The following BTBD2 variants were observed in gnomAD, a reference collection of about 807,000 sequenced individuals.
The protein encoded by BTBD2 is BTB/POZ domain-containing protein 2.
A neutral mutation model predicts 44.0 loss-of-function variants in BTBD2; 15 were observed. That is an observed-to-expected ratio of 0.34 (90% CI 0.23 to 0.53). The LOEUF (loss-of-function observed/expected upper bound fraction) is 0.53, where lower values mean the gene tolerates loss of function less well. Ranked by LOEUF, BTBD2 falls within the 20% of genes least tolerant of loss-of-function variation. BTBD2 has a pLI of 0.95. For missense variants in BTBD2, 657 were observed against 746.4 expected (o/e 0.88, Z 1.39); for synonymous variants, 443 against 335.9 (o/e 1.32, Z -3.49).
intron 1 of BTBD2, among the ~76,000 whole-genome samples, chr19:2,002,373 G>C (rs188833453): frequency 2.0e-5 from 3 of 151,940 alleles, no homozygotes; most frequent in East Asian, 3.9e-4. Context: ...ACTGATAACT[G>C]TATTTCTCGA....
Position 1,987,651 on chromosome 19 carries a change from T to C in BTBD2, c.1030A>G (p.Ser344Gly). 6.2e-7 allele frequency: 1 copy of C among 1,611,276 alleles called. No individual in the cohort carries two copies. Among genetic ancestry groups the C allele is most frequent in the Non-Finnish European group, 8.5e-7 (1 of 1,178,960 alleles). ...SGILVDREVV[S>G]LFLHFTVNPK... ...TTGACGGTGAAGTGCAGGAAGAGGC[T>C]GACCACCTCGCGGTCCACCAGGATG... The change falls in exon 6 of 9, where the codon AGC becomes GGC. Residue 344 changes from serine to glycine, a missense_variant. By Grantham distance (56) the Ser-to-Gly change is moderately conservative (BLOSUM62 0). Transcript: ENST00000255608.
chr19:1,998,463 G>A (rs1568218463), intron 1 of BTBD2, among the ~76,000 whole-genome samples: 1 of 152,226 alleles, frequency 6.6e-6, no homozygotes, highest in Admixed American at 6.5e-5. Flanking sequence ...GGTGGCCCCA[G>A]CTGGGAAAGC....
At position 1,990,143 on chromosome 19, in the gene BTBD2, G is replaced by T; in HGVS notation, c.849C>A (p.Phe283Leu). 6.2e-7 allele frequency: 1 copy of T among 1,611,616 alleles called. No individual in the cohort carries two copies. The highest frequency in any genetic ancestry group is 8.5e-7 in the Non-Finnish European group (1 of 1,179,508). ...CCTCGGACCAGCGGACAACGGCATT[G>T]AACAGCCGCACCTCACGGATGCCCA... ...DTLGIREVRLFNAVVRWSEAE... is the reference protein window; with the variant it reads ...DTLGIREVRLLNAVVRWSEAE... Residue 283 changes from phenylalanine (F) to leucine (L), a missense_variant, in exon 5 of 9, where the codon TTC becomes TTA. Phe to Leu is a conservative substitution (Grantham distance 22, BLOSUM62 0). Coordinates refer to ENST00000255608, the MANE Select transcript of BTBD2 (RefSeq NM_017797.4).
At chr19:1,997,585 G>A (rs1451538535) in intron 1 of BTBD2, 122 bp from the exon 2 acceptor site, 2 of 1,420,396 alleles carry the variant, frequency 1.4e-6, no homozygotes, top group Non-Finnish European at 1.9e-6. Context: ...CAGCAGGCAT[G>A]TACCAGGCCC....
At chr19:1,992,364 T>C (rs887328479) in intron 3 of BTBD2, among the ~76,000 whole-genome samples, 2 of 151,492 alleles carry the variant, frequency 1.3e-5, no homozygotes, top group East Asian at 3.9e-4. Flanking sequence ...CCTCCCAAAA[T>C]GCTGGGATTA....
chr19:1,997,303 C>A, intron 2 of BTBD2, 41 bp downstream of exon 2: 1 of 1,613,064 alleles, frequency 6.2e-7, no homozygotes, highest in South Asian at 1.1e-5. Flanking sequence ...GTCCCCCTCC[C>A]CAGGCCCAGC....
At chr19:2,000,016 C>T (rs532638826) in intron 1 of BTBD2, among the ~76,000 whole-genome samples, 1 of 151,974 alleles carries the variant, frequency 6.6e-6, no homozygotes. Context: ...AGTGGGCGGC[C>T]GCATGAAGCA....
intron 1 of BTBD2, among the ~76,000 whole-genome samples, chr19:2,005,696 C>G (rs957080077): frequency 1.3e-5 from 2 of 151,212 alleles, no homozygotes; most frequent in Non-Finnish European, 2.9e-5. Context: ...ACAGGAGAAT[C>G]GCTTGAACCT....
intron 1 of BTBD2, among the ~76,000 whole-genome samples, chr19:2,007,611 C>A (rs1430143687): frequency 6.6e-6 from 1 of 152,020 alleles, no homozygotes; most frequent in Non-Finnish European, 1.5e-5. Flanking sequence ...CGGGGATAGC[C>A]TGAGGTCAGG....
chr19:1,993,935 T>C (rs544357742), intron 2 of BTBD2, among the ~76,000 whole-genome samples: 1 of 132,780 alleles, frequency 7.5e-6, no homozygotes, highest in East Asian at 2.2e-4. Flanking sequence ...AGGCAGATGT[T>C]GCAGTGAGCT....
Position 1,986,123 on chromosome 19 carries a change from C to G in BTBD2, c.*365G>C. Reference sequence around the variant, plus strand: ...GGAATCGCAAATGCATTGCAATGTGCAGTGAAGAGACGCGAGGGACGCCCG... The same window carrying G: ...GGAATCGCAAATGCATTGCAATGTGGAGTGAAGAGACGCGAGGGACGCCCG... On this transcript the variant is annotated 3_prime_UTR_variant, in exon 9 of 9. Transcript: ENST00000255608. 1 of 287,810 alleles carries G rather than the reference C, an allele frequency of 3.5e-6. No homozygotes were observed. The allele number at this position is 287,810 out of a possible 1,614,324, so 17.8% of individuals were successfully genotyped here.
At chr19:1,987,425 C>G in intron 6 of BTBD2, 75 bp downstream of exon 6, 1 of 1,361,186 alleles carries the variant, frequency 7.3e-7, no homozygotes. Context: ...CCCCCATGCC[C>G]GGCCCCCCAT....
Position 1,986,265 on chromosome 19 carries a change from G to C in BTBD2, c.*223C>G. The C allele has an allele frequency of 1.8e-6, 1 of 567,666 alleles. No homozygotes were observed. The allele number at this position is 567,666 out of a possible 1,614,324, so 35.2% of individuals were successfully genotyped here. A position where few individuals can be genotyped will look rare whatever the true frequency, so the allele number is the denominator to read the frequency against. On this transcript the variant is annotated 3_prime_UTR_variant, in exon 9 of 9. Transcript: ENST00000255608. ...TGAGGGATTGTCTCCACAGGGCCTG[G>C]CCACTGGCCTGGCCACCTCCCCGGC... is the stretch of plus-strand genomic sequence containing the variant.
chr19:2,013,500 G>A, intron 1 of BTBD2: 2 of 985,960 alleles, frequency 2.0e-6, no homozygotes, highest in Non-Finnish European at 2.4e-6. Flanking sequence ...GGTGGCAGGG[G>A]ATCATAGGAT....
intron 5 of BTBD2, chr19:1,988,587 C>A (rs997304866): frequency 6.7e-6 from 1 of 149,710 alleles, no homozygotes; most frequent in Non-Finnish European, 1.5e-5. Context: ...TTTTTTGAGA[C>A]GGAGTTTCGC....
At chr19:1,999,272 G>T (rs531877243) in intron 1 of BTBD2, among the ~76,000 whole-genome samples, 2 of 152,200 alleles carry the variant, frequency 1.3e-5, no homozygotes, top group Non-Finnish European at 2.9e-5. Context: ...CCCGAACCTC[G>T]GAATGCGAGG....
rs1405064328 is a variant in BTBD2 at position 1,986,908 on chromosome 19, G to A, written c.1338C>T (p.Ala446=). 1.2e-6 allele frequency: 2 copies of A among 1,613,290 alleles called. No homozygotes were observed. Among genetic ancestry groups the A allele is most frequent in the East Asian group, 2.2e-5 (1 of 44,872 alleles). ...NDTGFSCDGS[A]STFRVMFKEP... ...CCTTGAACATGACGCGGAAGGTGCT[G>A]GCTGAGCCGTCGCAGCTGAAGCCCG... Residue 446 remains alanine, a synonymous_variant, in exon 8 of 9, where the codon GCC becomes GCT. Transcript: ENST00000255608.
chr19:2,012,683 C>T (rs1285987565), intron 1 of BTBD2, among the ~76,000 whole-genome samples: 1 of 152,216 alleles, frequency 6.6e-6, no homozygotes, highest in Non-Finnish European at 1.5e-5. Context: ...TACCTTGCTG[C>T]TATCTCCCGC....
chr19:1,998,774 G>C (rs1452360239), intron 1 of BTBD2, among the ~76,000 whole-genome samples: 1 of 152,162 alleles, frequency 6.6e-6, no homozygotes, highest in Non-Finnish European at 1.5e-5. Context: ...AGCATAGGGG[G>C]GTCACAGACA....
Sources: allele counts gnomAD v4.1 joint callset (sites outside exome capture counted in the v4.1 genomes callset), GRCh38; gene constraint gnomAD v4.1.1; transcripts MANE v1.5; gene names NCBI Gene and HGNC (gene_info 2026-07-23, HGNC 2026-07-21).